TUBGCP2: variants seen among roughly 807,000 people sequenced by gnomAD.
The protein encoded by TUBGCP2 is tubulin gamma complex component 2.
In TUBGCP2, 55 loss-of-function variants were observed where a neutral mutation model predicts 92.2. The observed-to-expected ratio is 0.60, with a 90% CI of 0.48 to 0.75. The LOEUF (loss-of-function observed/expected upper bound fraction) is 0.75, where lower values mean the gene tolerates loss of function less well. Among genes scored for constraint, TUBGCP2 ranks in the 30% least tolerant of loss-of-function variants. TUBGCP2 has a pLI of 0.00. For synonymous variants in TUBGCP2, 533 were observed against 505.2 expected (o/e 1.06, Z -0.74); for missense variants, 1,093 against 1,188.9 (o/e 0.92, Z 1.19).
At chr10:133,297,821 G>A in intron 5 of TUBGCP2, 131 bp downstream of exon 5, 1 of 1,364,630 alleles carries the variant, frequency 7.3e-7, no homozygotes, top group Non-Finnish European at 1.0e-6. Context: ...GCAGGCCCGG[G>A]GGAGGGCTGG....
At chr10:133,286,253 A>G (rs2136113151) in intron 11 of TUBGCP2, among the ~76,000 whole-genome samples, 1 of 152,300 alleles carries the variant, frequency 6.6e-6, no homozygotes, top group East Asian at 1.9e-4. Flanking sequence ...GCAGGTGTGC[A>G]GACAGCAGCG....
chr10:133,292,059 TCCCTCCGTGTC>T (rs1435007145), intron 8 of TUBGCP2, among the ~76,000 whole-genome samples: 1 of 9,676 alleles, frequency 1.0e-4, no homozygotes, highest in African/African-American at 3.3e-4. Context: ...GTCCCCCATG[TCCCTCCGTGTC>T]CCCCGTGTCC....
chr10:133,310,669 C>T (rs1446925905), upstream of TUBGCP2: 4 of 255,204 alleles, frequency 1.6e-5, no homozygotes, highest in Non-Finnish European at 3.1e-5. Flanking sequence ...CTGCAGCCGT[C>T]GGCCGTGCTC....
rs1847005392 is a variant in TUBGCP2 at position 133,282,334 on chromosome 10, T to C, written c.2298A>G (p.Thr766=). The change falls in exon 16 of 18, where the codon ACA becomes ACG. Residue 766 remains threonine, a synonymous_variant. Transcript: ENST00000252936. ...VMFTNCMQKF[T]QSMKLDGELG... is the part of the protein sequence containing the mutation. ...GCTCGCCATCTAATTTCATGCTCTG[T>C]GTAAATTTCTAGGGGGGGAGAGTCG... The C allele has an allele frequency of 6.3e-7, 1 of 1,597,242 alleles. No homozygotes were observed. Among genetic ancestry groups the C allele is most frequent in the African/African-American group, 1.3e-5 (1 of 74,412 alleles).
chr10:133,284,727 G>A (rs1847086446), intron 13 of TUBGCP2, among the ~76,000 whole-genome samples: 1 of 152,102 alleles, frequency 6.6e-6, no homozygotes, highest in Non-Finnish European at 1.5e-5. Context: ...CAGACCGGCT[G>A]CAAAGCACCT....
At position 133,279,691 on chromosome 10, in the gene TUBGCP2, C is replaced by T. The variant is rs764647465; in HGVS notation, c.*75G>A. On this transcript the variant is annotated 3_prime_UTR_variant, in exon 18 of 18. Transcript: ENST00000252936. ...CTGCAAAGACAGAACACAGAGCATT[C>T]GATTTGAAAATTCTGGACCCATTTG... is the stretch of plus-strand genomic sequence containing the variant. 49 of 1,467,862 alleles carry T rather than the reference C, an allele frequency of 3.3e-5. No homozygotes were observed. The highest frequency in any genetic ancestry group is 7.2e-5 in the African/African-American group (5 of 69,196). The allele number at this position is 1,467,862 out of a possible 1,614,324, so 90.9% of individuals were successfully genotyped here.
In TUBGCP2 at chr10:133,290,098, G is replaced by A. The variant is rs1008924438; in HGVS notation, c.1215-129C>T. The A allele has an allele frequency of 3.8e-6, 5 of 1,309,248 alleles. No individual in the cohort carries two copies. In the African/African-American group the frequency reaches 7.4e-5, roughly 19 times the overall value. The allele number at this position is 1,309,248 out of a possible 1,614,324, so 81.1% of individuals were successfully genotyped here. A position where few individuals can be genotyped will look rare whatever the true frequency, so the allele number is the denominator to read the frequency against. On this transcript the variant is annotated intron_variant, in intron 8 of 17. Transcript: ENST00000252936. The stretch of plus-strand genomic sequence containing the variant: ...CACACTTCCAAGTAACGTTCCACAA[G>A]GGCCGAGCCTAATCTACCAGTTACT...
At position 133,291,271 on chromosome 10, in the gene TUBGCP2, ATGTCCCTCCG is replaced by A. The variant is rs1389217688; in HGVS notation, c.1214+1218_1214+1227del. ...TCCCCCATGTCCCTCCGTGTCCCCC[ATGTCCCTCCG>A]TGTCCCTGTGTCCCGGGGAGCCCTA... On this transcript the variant is annotated intron_variant, in intron 8 of 17. Transcript: ENST00000252936. Among the ~76,000 whole-genome samples the A allele has an allele frequency of 4.0e-4, 14 of 34,740 alleles. No individual in the cohort carries two copies. In the South Asian group the frequency reaches 4.3e-3, roughly 11 times the overall value. 22.8% of individuals were successfully genotyped at this position (34,740 alleles called of 152,430 possible).
chr10:133,300,018 C>G lies in TUBGCP2; in HGVS notation c.246G>C (p.Val82=). 1 of 1,614,178 alleles carries G rather than the reference C, an allele frequency of 6.2e-7. No homozygotes were observed. Among genetic ancestry groups the G allele is most frequent in the Non-Finnish European group, 8.5e-7 (1 of 1,180,026 alleles). ...CTTCCGTGAGCTTTGACAACAGGTA[C>G]ACCAGCGGGTCAAGGTTCCTTGTAT... ...SKNTRNLDPL[V]YLLSKLTEDK... is the part of the protein sequence containing the mutation. The change falls in exon 3 of 18, where the codon GTG becomes GTC. Residue 82 remains valine, a synonymous_variant. Coordinates refer to ENST00000252936, the MANE Select transcript of TUBGCP2 (RefSeq NM_006659.4).
chr10:133,279,925 G>T (rs752698534), intron 17 of TUBGCP2, 24 bp from the exon 18 acceptor site: 2 of 1,605,612 alleles, frequency 1.2e-6, no homozygotes, highest in Non-Finnish European at 8.5e-7. Context: ...CAGTGGAGCT[G>T]GGGTGCACAC....
upstream of TUBGCP2, chr10:133,312,261 C>T (rs1848009462): frequency 3.0e-6 from 4 of 1,325,826 alleles, no homozygotes; most frequent in Non-Finnish European, 3.9e-6. Flanking sequence ...TGCCGTCTGC[C>T]TTTCTAGCAT....
In TUBGCP2 at chr10:133,283,863, C is replaced by T; in HGVS notation, c.2145+19G>A. Reference sequence around the variant, plus strand: ...GAAAGTGGCTTTCAAACGTTATTATCTGTGGAGCTAAAACTCACGGATTTC... The same window carrying T: ...GAAAGTGGCTTTCAAACGTTATTATTTGTGGAGCTAAAACTCACGGATTTC... On this transcript the variant is annotated intron_variant, in intron 14 of 17. Transcript: ENST00000252936. 4 of 1,612,918 alleles carry T rather than the reference C, an allele frequency of 2.5e-6. No individual in the cohort carries two copies. The highest frequency in any genetic ancestry group is 3.4e-6 in the Non-Finnish European group (4 of 1,179,352).
chr10:133,302,730 C>T (rs748467825), intron 2 of TUBGCP2, 62 bp downstream of exon 2: 95 of 1,599,112 alleles, frequency 5.9e-5, no homozygotes, highest in Non-Finnish European at 7.9e-5. Context: ...GCTCACCCTG[C>T]ACCACCCTGA....
chr10:133,294,605 T>C (rs899484732), intron 5 of TUBGCP2, among the ~76,000 whole-genome samples: 9 of 151,886 alleles, frequency 5.9e-5, no homozygotes, highest in African/African-American at 2.2e-4. Flanking sequence ...CACACTGTCC[T>C]TGTTTTTTTT....
chr10:133,290,102 C>G (rs531948124), intron 8 of TUBGCP2, 133 bp from the exon 9 acceptor site: 1 of 1,261,380 alleles, frequency 7.9e-7, no homozygotes, highest in African/African-American at 1.5e-5. Flanking sequence ...CCACAAGGGC[C>G]GAGCCTAATC....
At position 133,293,215 on chromosome 10, in the gene TUBGCP2, A is replaced by C. The variant is rs564190437; in HGVS notation, c.848T>G (p.Phe283Cys). ...VTRFIEEKSSFEYGQVNHALA... is the reference protein window; with the variant it reads ...VTRFIEEKSSCEYGQVNHALA... The stretch of plus-strand genomic sequence containing the variant: ...GGCGTGGTTCACCTGCCCGTACTCG[A>C]AGGAAGACTTCTCTTCAATGAACCT... Residue 283 changes from phenylalanine (F) to cysteine (C), a missense_variant, in exon 7 of 18, where the codon TTC (phenylalanine) becomes TGC (cysteine). Around this residue, in one of 3 missense-constraint regions of TUBGCP2, gnomAD observed 490 missense variants for 488.5 expected, o/e 1.00. Coordinates refer to ENST00000252936, the MANE Select transcript of TUBGCP2 (RefSeq NM_006659.4). 135 of 1,613,684 alleles carry C rather than the reference A, an allele frequency of 8.4e-5. No individual in the cohort carries two copies. The highest frequency in any genetic ancestry group is 1.1e-4 in the Non-Finnish European group (132 of 1,180,006).
At chr10:133,306,689 G>A (rs770707140) in intron 1 of TUBGCP2, among the ~76,000 whole-genome samples, 2 of 152,150 alleles carry the variant, frequency 1.3e-5, no homozygotes, top group Non-Finnish European at 2.9e-5. Flanking sequence ...TCCAGAGGCT[G>A]GGGCAGGAGA....
rs1369486888 is a variant in TUBGCP2 at position 133,283,114 on chromosome 10, G to A, written c.2253C>T (p.Leu751=). Reference sequence around the variant, plus strand: ...TGGTGAACATGACGCACACAGACATGAGCTTGGAGAAGACCTTCAGCAGCT... The same window carrying A: ...TGGTGAACATGACGCACACAGACATAAGCTTGGAGAAGACCTTCAGCAGCT... ...NPELLKVFSK[L]MSVCVMFTNC... Residue 751 remains leucine (L), a synonymous_variant, in exon 15 of 18, where the codon CTC becomes CTT. Coordinates refer to ENST00000252936, the MANE Select transcript of TUBGCP2 (RefSeq NM_006659.4). The A allele has an allele frequency of 5.6e-6, 9 of 1,614,114 alleles. No homozygotes were observed. The Admixed American group carries it at 1.0e-4, about 18-fold the overall frequency.
rs748827509 is a variant in TUBGCP2 at position 133,285,720 on chromosome 10, G to A, written c.1723-92C>T. ...CGCCATCCTCGCTCACAGACCCAGC[G>A]CTGACGTAAGGTTCCCTACATTCCG... On this transcript the variant is annotated intron_variant, in intron 11 of 17. Coordinates refer to ENST00000252936, the MANE Select transcript of TUBGCP2 (RefSeq NM_006659.4). This position sits in a 1 kb window ranked among gnomAD's most constrained non-coding sequence, Gnocchi z 6.8. 3.0e-5 allele frequency: 39 copies of A among 1,283,648 alleles called. No individual in the cohort carries two copies. Among genetic ancestry groups the A allele is most frequent in the Admixed American group, 2.6e-4 (8 of 30,766 alleles). 79.5% of individuals were successfully genotyped at this position (1,283,648 alleles called of 1,614,324 possible).
Sources: gnomAD v4.1 joint callset for allele counts (sites outside exome capture counted in the v4.1 genomes callset) on GRCh38, gnomAD v4.1.1 for gene constraint, gnomAD v4.1.1 regional missense constraint, Gnocchi (gnomAD v3.1) non-coding constraint, MANE v1.5 for transcripts, NCBI Gene and HGNC (gene_info 2026-07-23, HGNC 2026-07-21) for gene names.